RNF212B: variants seen among roughly 807,000 people sequenced by gnomAD.
RNF212B encodes the protein E3 ubiquitin-protein ligase RNF212B.
RNF212B carries 52 observed loss-of-function variants against 55.5 expected under a neutral mutation model. That is an observed-to-expected ratio of 0.94 (90% confidence interval 0.75 to 1.18). RNF212B has a LOEUF of 1.18. Ranked by LOEUF, RNF212B falls within the 50% of genes most tolerant of loss-of-function variation. RNF212B has a pLI of 0.00. For missense variants in RNF212B, 289 were observed against 350.4 expected, an observed-to-expected ratio of 0.82 and a Z score of 1.40; for synonymous variants, 99 against 121.4, an observed-to-expected ratio of 0.82 and a Z score of 1.21.
At chr14:23,258,706 T>C in intron 5 of RNF212B, 42 bp downstream of exon 5, 1 of 918,234 alleles carries the variant, frequency 1.1e-6, no homozygotes, top group South Asian at 1.7e-5. Context: ...TTTTTTTTTT[T>C]TTTTTTCTAA....
At chr14:23,223,515 C>T (rs190811146) in intron 2 of RNF212B, among the ~76,000 whole-genome samples, 24 of 152,210 alleles carry the variant, frequency 1.6e-4, no homozygotes, top group South Asian at 4.1e-4. Flanking sequence ...CCATCAAGCC[C>T]GGCTAATTTT....
upstream of RNF212B, among the ~76,000 whole-genome samples, chr14:23,233,277 C>T (rs1045447096): frequency 6.6e-6 from 1 of 152,024 alleles, no homozygotes; most frequent in African/African-American, 2.4e-5. Context: ...TGCGGAAGGC[C>T]GCAGGGTCCT....
intron 5 of RNF212B, 188 bp from the exon 6 acceptor site, chr14:23,259,696 C>T (rs1885157227): frequency 5.1e-6 from 2 of 394,166 alleles, no homozygotes; most frequent in East Asian, 8.2e-5. Flanking sequence ...TTTTGTCCAC[C>T]TAATTGTTCT....
chr14:23,221,233 G>GAAAA (rs71119004), intron 2 of RNF212B, among the ~76,000 whole-genome samples: 1 of 116,136 alleles, frequency 8.6e-6, no homozygotes, highest in Non-Finnish European at 1.8e-5. Flanking sequence ...CTGAAAATAG[G>GAAAA]AAAAAAAAAA....
chr14:23,208,205 G>A (rs1880038370), intron 2 of RNF212B, among the ~76,000 whole-genome samples: 1 of 152,200 alleles, frequency 6.6e-6, no homozygotes, highest in South Asian at 2.1e-4. Flanking sequence ...GAAAGCACGA[G>A]ATGAGTGTGG....
intron 2 of RNF212B, among the ~76,000 whole-genome samples, chr14:23,198,931 T>C (rs914203541): frequency 2.0e-5 from 3 of 152,082 alleles, no homozygotes; most frequent in African/African-American, 4.8e-5. Context: ...GGTATATATA[T>C]AGACAGAAAT....
chr14:23,233,895 G>A (rs182009032), upstream of RNF212B, among the ~76,000 whole-genome samples: 13 of 152,170 alleles, frequency 8.5e-5, no homozygotes, highest in East Asian at 3.9e-4. Flanking sequence ...TCAGGAGTTC[G>A]AGACCAGCCT....
Position 23,203,396 on chromosome 14 carries a change from T to A in RNF212B, c.-2+9995T>A, listed in dbSNP as rs184336586. ...CTATAAACATGTGCGTGCAAATATC[T>A]TTTTTGTATAATGACTTCTTTTCCT... On this transcript the variant is annotated intron_variant, in intron 2 of 15. Coordinates refer to the RNF212B transcript ENST00000399910. Among the ~76,000 whole-genome samples the A allele has an allele frequency of 1.9e-3, 284 of 152,156 alleles. 1 individual carries two copies. Among genetic ancestry groups the A allele is most frequent in the African/African-American group, 6.6e-3 (273 of 41,522 alleles).
At chr14:23,252,177 C>G (rs1199893326) in intron 4 of RNF212B, among the ~76,000 whole-genome samples, 1 of 151,986 alleles carries the variant, frequency 6.6e-6, no homozygotes, top group Non-Finnish European at 1.5e-5. Flanking sequence ...TTGATGCTAC[C>G]TAGGACCCAC....
At chr14:23,229,809 C>G (rs894013769) in intron 2 of RNF212B, among the ~76,000 whole-genome samples, 2 of 152,234 alleles carry the variant, frequency 1.3e-5, no homozygotes, top group East Asian at 3.9e-4. Flanking sequence ...ACCCAGACTA[C>G]TAGCGCACAG....
At chr14:23,265,279 T>C (rs952576008) in intron 11 of RNF212B, among the ~76,000 whole-genome samples, 1 of 152,220 alleles carries the variant, frequency 6.6e-6, no homozygotes, top group African/African-American at 2.4e-5. Flanking sequence ...CAAGATGGCA[T>C]TACAAGCTAA....
At chr14:23,198,736 C>T (rs902984895) in intron 2 of RNF212B, among the ~76,000 whole-genome samples, 2 of 151,788 alleles carry the variant, frequency 1.3e-5, no homozygotes, top group Admixed American at 6.6e-5. Context: ...GTCTGTTTCT[C>T]ATGGTATATG....
intron 1 of RNF212B, among the ~76,000 whole-genome samples, chr14:23,186,302 A>G (rs1357735665): frequency 6.6e-6 from 1 of 151,932 alleles, no homozygotes; most frequent in Non-Finnish European, 1.5e-5. Context: ...ATGTTGACAA[A>G]AATCTGTAAA....
intron 2 of RNF212B, among the ~76,000 whole-genome samples, chr14:23,197,957 A>G (rs1378841483): frequency 2.0e-5 from 3 of 152,130 alleles, no homozygotes; most frequent in Non-Finnish European, 4.4e-5. Context: ...GGATCTCACA[A>G]AGTACATTCT....
At position 23,241,488 on chromosome 14, in the gene RNF212B, A is replaced by G. The variant is rs200575736; in HGVS notation, c.100+1043A>G. Reference sequence around the variant, plus strand: ...ACCCAGGCTGGAATGCAGTGGCACAATCTTGGCTCACTGCAACCTCTGCTT... The same window carrying G: ...ACCCAGGCTGGAATGCAGTGGCACAGTCTTGGCTCACTGCAACCTCTGCTT... On this transcript the variant is annotated intron_variant, in intron 2 of 14. Coordinates refer to ENST00000430154, the MANE Select transcript of RNF212B (RefSeq NM_001282322.3). 2.2e-4 allele frequency among the ~76,000 whole-genome samples: 34 copies of G among 152,130 alleles called. 1 individual carries two copies. The East Asian group carries it at 6.2e-3, about 28-fold the overall frequency.
intron 2 of RNF212B, among the ~76,000 whole-genome samples, chr14:23,210,727 G>C (rs775243838): frequency 6.6e-4 from 82 of 124,996 alleles, no homozygotes; most frequent in South Asian, 2.1e-3. Context: ...CAGTGAGCCA[G>C]GATCACGCCA....
At chr14:23,189,613 G>A (rs1877922258) in intron 1 of RNF212B, among the ~76,000 whole-genome samples, 1 of 151,812 alleles carries the variant, frequency 6.6e-6, no homozygotes, top group Non-Finnish European at 1.5e-5. Flanking sequence ...GACCAGCCTG[G>A]GCAATATAGC....
chr14:23,191,602 C>G (rs1482639035), intron 1 of RNF212B, among the ~76,000 whole-genome samples: 1 of 151,952 alleles, frequency 6.6e-6, no homozygotes, highest in Non-Finnish European at 1.5e-5. Flanking sequence ...ATGAAATAAT[C>G]TGATATCTTG....
chr14:23,191,108 C>T (rs1189277234), intron 1 of RNF212B, among the ~76,000 whole-genome samples: 4 of 152,180 alleles, frequency 2.6e-5, no homozygotes, highest in Admixed American at 6.5e-5. Flanking sequence ...AATCCCAGCG[C>T]TTTGGGAGGC....
Sources: gnomAD v4.1 joint callset for allele counts (sites outside exome capture counted in the v4.1 genomes callset) on GRCh38, gnomAD v4.1.1 for gene constraint, MANE v1.5 for transcripts, NCBI Gene and HGNC (gene_info 2026-07-23, HGNC 2026-07-21) for gene names.